The following RPH3A variants were observed in gnomAD, a reference collection of about 807,000 sequenced individuals.
RPH3A encodes rabphilin 3A.
A neutral mutation model predicts 102.2 loss-of-function variants in RPH3A; 48 were observed. That is an observed-to-expected ratio of 0.47 (90% CI 0.37 to 0.60). RPH3A has a LOEUF of 0.60. RPH3A is among the 20% of genes least tolerant of loss of function. The pLI is 0.00. For missense variants in RPH3A, 781 were observed against 910.1 expected (o/e 0.86, Z 1.83); for synonymous variants, 310 against 324.3 (o/e 0.96, Z 0.47).
intron 2 of RPH3A, among the ~76,000 whole-genome samples, chr12:112,812,617 G>T (rs958032443): frequency 3.8e-4 from 58 of 152,096 alleles, no homozygotes; most frequent in Non-Finnish European, 1.3e-4. Flanking sequence ...CATGGTACAT[G>T]GTTGGTGGAT....
At chr12:112,755,863 T>C (rs954525620) in intron 1 of RPH3A, among the ~76,000 whole-genome samples, 1 of 152,204 alleles carries the variant, frequency 6.6e-6, no homozygotes, top group Non-Finnish European at 1.5e-5. Context: ...GCAGCATTAC[T>C]GGGGGAATGC....
chr12:112,845,847 C>T (rs1265935696), intron 4 of RPH3A, among the ~76,000 whole-genome samples: 1 of 152,080 alleles, frequency 6.6e-6, no homozygotes, highest in African/African-American at 2.4e-5. Context: ...ATAACTTCAG[C>T]TAGAGATGGG....
At chr12:112,824,522 CG>C (rs2041834854) in intron 2 of RPH3A, among the ~76,000 whole-genome samples, 1 of 152,086 alleles carries the variant, frequency 6.6e-6, no homozygotes, top group Non-Finnish European at 1.5e-5. Context: ...CCAGATCTGC[CG>C]GTGGACACAT....
intron 19 of RPH3A, chr12:112,894,094 C>A: frequency 6.0e-6 from 1 of 167,230 alleles, no homozygotes; most frequent in Admixed American, 6.4e-5. Context: ...AGTGGAGTGA[C>A]AATAATCAGA....
At chr12:112,691,376 G>T (rs1163628813) in intron 1 of RPH3A, among the ~76,000 whole-genome samples, 1 of 152,138 alleles carries the variant, frequency 6.6e-6, no homozygotes, top group Non-Finnish European at 1.5e-5. Context: ...AAGGAGAAGT[G>T]GGGGAGGAAT....
At chr12:112,589,569 C>T (rs2039461756) in intron 1 of RPH3A, among the ~76,000 whole-genome samples, 1 of 152,152 alleles carries the variant, frequency 6.6e-6, no homozygotes, top group South Asian at 2.1e-4. Flanking sequence ...ATGACCCCTC[C>T]CCTGACCAAC....
At chr12:112,819,745 G>C (rs1565899238) in intron 2 of RPH3A, among the ~76,000 whole-genome samples, 1 of 152,242 alleles carries the variant, frequency 6.6e-6, no homozygotes, top group Non-Finnish European at 1.5e-5. Context: ...GGACTGGCTG[G>C]TGTGTGACAG....
chr12:112,576,936 C>T (rs1186150349), intron 1 of RPH3A, among the ~76,000 whole-genome samples: 4 of 97,334 alleles, frequency 4.1e-5, no homozygotes, highest in Non-Finnish European at 7.1e-5. Flanking sequence ...GATAGAGTCT[C>T]TCTCTGTCAC....
intron 18 of RPH3A, 35 bp from the exon 19 acceptor site, chr12:112,890,814 C>G (rs767882037): frequency 6.2e-7 from 1 of 1,605,898 alleles, no homozygotes; most frequent in South Asian, 1.1e-5. Context: ...GCCCCCTCCC[C>G]TCCAAGGCCC....
chr12:112,815,828 C>A (rs1202405755), intron 2 of RPH3A, among the ~76,000 whole-genome samples: 2 of 152,162 alleles, frequency 1.3e-5, no homozygotes, highest in African/African-American at 2.4e-5. Flanking sequence ...CAATTCTGAG[C>A]CTTTGCCTTT....
intron 1 of RPH3A, among the ~76,000 whole-genome samples, chr12:112,619,842 A>G (rs1054318407): frequency 6.6e-6 from 1 of 152,188 alleles, no homozygotes; most frequent in African/African-American, 2.4e-5. Context: ...GCATAATAAT[A>G]TTCTATTGGA....
chr12:112,700,585 C>T (rs1418398009), intron 1 of RPH3A, among the ~76,000 whole-genome samples: 3 of 152,182 alleles, frequency 2.0e-5, no homozygotes, highest in Non-Finnish European at 2.9e-5. Context: ...TTACACTCTC[C>T]GAGTCTGCAC....
intron 19 of RPH3A, among the ~76,000 whole-genome samples, chr12:112,891,740 C>T (rs1199485073): frequency 6.6e-6 from 1 of 152,158 alleles, no homozygotes; most frequent in Non-Finnish European, 1.5e-5. Flanking sequence ...AGGAGTGGGC[C>T]GACCTTAGCA....
chr12:112,722,042 G>A (rs913412313), intron 1 of RPH3A, among the ~76,000 whole-genome samples: 4 of 152,172 alleles, frequency 2.6e-5, no homozygotes, highest in African/African-American at 9.7e-5. Context: ...TTATAAAGGT[G>A]AATAGAATGT....
At chr12:112,575,439 G>A (rs1284780373) in intron 1 of RPH3A, 1 of 152,568 alleles carries the variant, frequency 6.6e-6, no homozygotes, top group African/African-American at 2.4e-5. Context: ...GCTGCCTCCG[G>A]GAATGGGGCT....
At chr12:112,863,820 G>A (rs1297370500) in intron 5 of RPH3A, among the ~76,000 whole-genome samples, 1 of 152,210 alleles carries the variant, frequency 6.6e-6, no homozygotes, top group Non-Finnish European at 1.5e-5. Flanking sequence ...TGCATGACTT[G>A]ACACTCAATG....
intron 1 of RPH3A, among the ~76,000 whole-genome samples, chr12:112,716,030 C>T (rs929141370): frequency 7.2e-5 from 11 of 152,168 alleles, no homozygotes; most frequent in African/African-American, 2.7e-4. Context: ...ACTGTTATGG[C>T]ACTGGTGGGA....
intron 2 of RPH3A, among the ~76,000 whole-genome samples, chr12:112,799,306 T>C (rs1038469087): frequency 6.6e-6 from 1 of 152,148 alleles, no homozygotes; most frequent in African/African-American, 2.4e-5. Context: ...GAGGATCACT[T>C]GAGCCCAGGA....
intron 5 of RPH3A, among the ~76,000 whole-genome samples, chr12:112,854,460 G>A (rs1805173685): frequency 6.6e-6 from 1 of 152,218 alleles, no homozygotes; most frequent in South Asian, 2.1e-4. Flanking sequence ...CTATGCAATA[G>A]CACATATTAC....
Sources: allele counts gnomAD v4.1 joint callset (sites outside exome capture counted in the v4.1 genomes callset), GRCh38; gene constraint gnomAD v4.1.1; transcripts MANE v1.5; gene names NCBI Gene and HGNC (gene_info 2026-07-23, HGNC 2026-07-21).